EXOC6B: variants seen among roughly 807,000 people sequenced by gnomAD.
EXOC6B encodes exocyst complex component 6B, also known as SEC15 homolog B.
A neutral mutation model predicts 113.5 loss-of-function variants in EXOC6B; 54 were observed. That is an observed-to-expected ratio of 0.48 (90% confidence interval 0.38 to 0.60). The LOEUF (loss-of-function observed/expected upper bound fraction) is 0.60, where lower values mean the gene tolerates loss of function less well. Among genes scored for constraint, EXOC6B ranks in the 20% least tolerant of loss-of-function variants. The probability of loss-of-function intolerance (pLI) is 0.00; values close to 1 mark genes in which losing one functional copy is unlikely to be tolerated. For synonymous variants in EXOC6B, 357 were observed against 339.0 expected (o/e 1.05, Z -0.58); for missense variants, 797 against 977.5 (o/e 0.82, Z 2.46).
intron 20 of EXOC6B, among the ~76,000 whole-genome samples, chr2:72,228,499 T>G (rs551346992): frequency 3.1e-4 from 46 of 148,650 alleles, no homozygotes; most frequent in East Asian, 2.1e-3. Flanking sequence ...TTCCCACCTA[T>G]GAGTGAGAAC....
chr2:72,429,704 G>A (rs913593454), intron 18 of EXOC6B, among the ~76,000 whole-genome samples: 2 of 152,204 alleles, frequency 1.3e-5, no homozygotes, highest in African/African-American at 4.8e-5. Context: ...AGTTATGAGA[G>A]GGGGAACACT....
intron 6 of EXOC6B, among the ~76,000 whole-genome samples, chr2:72,633,878 A>G (rs1672648427): frequency 6.6e-6 from 1 of 152,236 alleles, no homozygotes; most frequent in Admixed American, 6.5e-5. Context: ...TGCAATATGT[A>G]CTATGAAGTA....
intron 1 of EXOC6B, among the ~76,000 whole-genome samples, chr2:72,821,793 G>C (rs1377931157): frequency 6.6e-6 from 1 of 152,134 alleles, no homozygotes; most frequent in Non-Finnish European, 1.5e-5. Flanking sequence ...CCTAGGGAGA[G>C]AGAGGGAACA....
intron 17 of EXOC6B, among the ~76,000 whole-genome samples, chr2:72,480,203 A>T (rs542621352): frequency 3.3e-5 from 3 of 91,916 alleles, no homozygotes; most frequent in South Asian, 2.3e-4. Context: ...GATTTGATTT[A>T]AAAAAAAAAA....
At chr2:72,752,315 T>C (rs1010154925) in intron 1 of EXOC6B, among the ~76,000 whole-genome samples, 8 of 152,170 alleles carry the variant, frequency 5.3e-5, no homozygotes, top group Admixed American at 1.3e-4. Flanking sequence ...AGATAGGTCA[T>C]CTCAATGCAA....
chr2:72,292,832 C>T (rs906432255), intron 20 of EXOC6B, among the ~76,000 whole-genome samples: 8 of 152,118 alleles, frequency 5.3e-5, no homozygotes, highest in Non-Finnish European at 1.0e-4. Context: ...CAGCACAATG[C>T]TCTTGAGAGC....
chr2:72,243,097 G>A (rs1374889553), intron 20 of EXOC6B, among the ~76,000 whole-genome samples: 1 of 152,072 alleles, frequency 6.6e-6, no homozygotes, highest in East Asian at 1.9e-4. Flanking sequence ...GGACATACCC[G>A]AGACTGGGTA....
rs896192482 is a variant in EXOC6B, at chr2:72,182,912, C to T, written c.2309+1163G>A. On this transcript the variant is annotated intron_variant, in intron 21 of 21. Transcript: ENST00000272427. ...TACTTACTCTCTAGATATCCTAGGG[C>T]GGAAGGTCAGTGGGAGAGAGAACCA... The T allele has an allele frequency of 4.5e-5, 56 of 1,230,988 alleles. No homozygotes were observed. Among genetic ancestry groups the T allele is most frequent in the African/African-American group, 3.9e-4 (25 of 64,360 alleles). The allele number at this position is 1,230,988 out of a possible 1,614,324, so 76.3% of individuals were successfully genotyped here.
intron 20 of EXOC6B, among the ~76,000 whole-genome samples, chr2:72,234,024 G>C (rs570535655): frequency 6.6e-6 from 1 of 151,900 alleles, no homozygotes; most frequent in African/African-American, 2.4e-5. Flanking sequence ...ATGCCTGCTA[G>C]AGTGTCCAGC....
intron 1 of EXOC6B, among the ~76,000 whole-genome samples, chr2:72,790,691 T>A (rs1684625539): frequency 6.6e-6 from 1 of 152,198 alleles, no homozygotes; most frequent in Non-Finnish European, 1.5e-5. Flanking sequence ...ACTAGGGCAT[T>A]ACTATTAGAA....
chr2:72,336,084 T>C (rs1276903301), intron 19 of EXOC6B, among the ~76,000 whole-genome samples: 2 of 152,116 alleles, frequency 1.3e-5, no homozygotes, highest in Non-Finnish European at 2.9e-5. Flanking sequence ...ATTCAATTCT[T>C]TCTATGAAGC....
chr2:72,483,266 T>C (rs1699211922), intron 16 of EXOC6B, among the ~76,000 whole-genome samples: 1 of 152,202 alleles, frequency 6.6e-6, no homozygotes, highest in Non-Finnish European at 1.5e-5. Context: ...AAGGTTGTCT[T>C]GATGTGGAAG....
At chr2:72,609,796 GCA>G (rs1024531026) in intron 6 of EXOC6B, among the ~76,000 whole-genome samples, 18 of 152,056 alleles carry the variant, frequency 1.2e-4, no homozygotes, top group African/African-American at 3.4e-4. Flanking sequence ...TAATGCACAT[GCA>G]CACACACATA....
chr2:72,519,703 T>A (rs1427132152), intron 8 of EXOC6B, among the ~76,000 whole-genome samples: 2 of 152,110 alleles, frequency 1.3e-5, no homozygotes, highest in Non-Finnish European at 2.9e-5. Flanking sequence ...TCACGAATAA[T>A]GAGAATTGAC....
At chr2:72,486,894 C>T (rs1306514658) in intron 16 of EXOC6B, among the ~76,000 whole-genome samples, 2 of 151,908 alleles carry the variant, frequency 1.3e-5, no homozygotes, top group African/African-American at 2.4e-5. Flanking sequence ...CTGTCTTAAC[C>T]GACTTCCCCT....
chr2:72,294,374 C>T (rs988336467), intron 20 of EXOC6B, among the ~76,000 whole-genome samples: 1 of 151,962 alleles, frequency 6.6e-6, no homozygotes, highest in Non-Finnish European at 1.5e-5. Flanking sequence ...GAATCTAATA[C>T]AATTGATAAG....
intron 20 of EXOC6B, among the ~76,000 whole-genome samples, chr2:72,190,276 G>GATA (rs1299628148): frequency 2.0e-5 from 3 of 152,120 alleles, no homozygotes; most frequent in Non-Finnish European, 4.4e-5. Flanking sequence ...GGGCTCCAGT[G>GATA]ATACTCCTGC....
At chr2:72,361,573 T>C (rs930266408) in intron 19 of EXOC6B, among the ~76,000 whole-genome samples, 4 of 152,256 alleles carry the variant, frequency 2.6e-5, no homozygotes, top group Middle Eastern at 3.4e-3. Flanking sequence ...TGGGCTCAAG[T>C]AGTGGAGAAA....
chr2:72,792,349 C>T (rs1349460073), intron 1 of EXOC6B, among the ~76,000 whole-genome samples: 1 of 152,112 alleles, frequency 6.6e-6, no homozygotes, highest in South Asian at 2.1e-4. Flanking sequence ...CTCCGCTTAT[C>T]CTAACTGAAT....
Sources: allele counts gnomAD v4.1 joint callset (sites outside exome capture counted in the v4.1 genomes callset), GRCh38; gene constraint gnomAD v4.1.1; transcripts MANE v1.5; gene names NCBI Gene and HGNC (gene_info 2026-07-23, HGNC 2026-07-21).